Variants in BBS12 observed in about 807,000 individuals in gnomAD.
BBS12 encodes Bardet-Biedl syndrome 12.
Under a neutral mutation model 5.6 loss-of-function variants are expected in BBS12, and 5 were observed. The ratio of observed to expected loss-of-function variants is 0.89; its 90% CI spans 0.46 to 1.86. BBS12 has a LOEUF of 1.86. Among genes scored for constraint, BBS12 ranks in the 40% most tolerant of loss-of-function variants. The pLI is 0.01. For synonymous variants in BBS12, 308 were observed against 306.8 expected, an observed-to-expected ratio of 1.00 and a Z score of -0.04; for missense variants, 748 against 830.4, an observed-to-expected ratio of 0.90 and a Z score of 1.22.
At chr4:122,720,604 C>T in the BBS12 span, among the ~76,000 whole-genome samples, 3 of 151,862 alleles carry the variant, frequency 2.0e-5, no homozygotes, top group South Asian at 2.1e-4. Context: ...AAAGGCAAAA[C>T]GATGGAAAAT....
the BBS12 span, among the ~76,000 whole-genome samples, chr4:122,725,332 C>G: frequency 3.9e-5 from 6 of 152,140 alleles, no homozygotes; most frequent in African/African-American, 1.4e-4. Flanking sequence ...AAGAACAAAT[C>G]TGGAGGCATC....
At chr4:122,707,706 T>C in the BBS12 span, among the ~76,000 whole-genome samples, 9 of 152,258 alleles carry the variant, frequency 5.9e-5, no homozygotes, top group African/African-American at 1.9e-4. Context: ...TGGCTCTTCT[T>C]AGAGGTAGGT....
At chr4:122,718,981 G>A in the BBS12 span, among the ~76,000 whole-genome samples, 15 of 152,056 alleles carry the variant, frequency 9.9e-5, no homozygotes, top group South Asian at 4.1e-4. Context: ...CACCATGCCC[G>A]GCTAATTTTT....
intron 1 of BBS12, among the ~76,000 whole-genome samples, chr4:122,734,261 A>C (rs1175582129): frequency 6.6e-6 from 1 of 151,858 alleles, no homozygotes; most frequent in Non-Finnish European, 1.5e-5. Flanking sequence ...ATCAGTTTCA[A>C]GGTCATACAC....
In BBS12 at chr4:122,744,580, A is replaced by C. The variant is rs1008500202; in HGVS notation, c.*555A>C. On this transcript the variant is annotated 3_prime_UTR_variant, in exon 2 of 2. Coordinates refer to ENST00000314218, the MANE Select transcript of BBS12 (RefSeq NM_152618.3). ...AAGTATGCAGGGACACTCAGAGCCC[A>C]TAGTGGATAGTCTCTTCCAACAGTC... 6.0e-6 allele frequency: 1 copy of C among 168,028 alleles called. No individual in the cohort carries two copies. Among genetic ancestry groups the C allele is most frequent in the Non-Finnish European group, 1.5e-5 (1 of 68,882 alleles). 10.4% of individuals were successfully genotyped at this position (168,028 alleles called of 1,614,324 possible).
the BBS12 span, among the ~76,000 whole-genome samples, chr4:122,723,787 G>T: frequency 6.6e-6 from 1 of 152,162 alleles, no homozygotes; most frequent in Admixed American, 6.6e-5. Context: ...GGCAGGAACT[G>T]CAAAATGGGA....
At chr4:122,711,151 C>A in the BBS12 span, among the ~76,000 whole-genome samples, 110 of 152,118 alleles carry the variant, frequency 7.2e-4, no homozygotes, top group Admixed American at 1.5e-3. Context: ...CATACAAGCA[C>A]CTCAGGGGCA....
intron 1 of BBS12, among the ~76,000 whole-genome samples, chr4:122,737,962 T>A (rs1050157735): frequency 2.0e-5 from 3 of 152,238 alleles, no homozygotes; most frequent in Non-Finnish European, 2.9e-5. Flanking sequence ...GACAATTGGA[T>A]ATCCACATGC....
At chr4:122,711,415 CA>C in the BBS12 span, among the ~76,000 whole-genome samples, 1 of 151,630 alleles carries the variant, frequency 6.6e-6, no homozygotes, top group Admixed American at 6.6e-5. Flanking sequence ...AGGCTTTCCA[CA>C]ACTGGAATCA....
upstream of BBS12, among the ~76,000 whole-genome samples, chr4:122,727,744 G>A (rs1800643094): frequency 6.6e-6 from 1 of 151,696 alleles, no homozygotes; most frequent in Non-Finnish European, 1.5e-5. Context: ...AGTAGAGACG[G>A]GGTTTCACCA....
chr4:122,705,014 A>G, the BBS12 span, among the ~76,000 whole-genome samples: 2 of 152,250 alleles, frequency 1.3e-5, no homozygotes, highest in East Asian at 3.8e-4. Context: ...ACAAAGTACC[A>G]TGATGAGCTT....
At chr4:122,740,932 A>T (rs1458306301) in intron 1 of BBS12, among the ~76,000 whole-genome samples, 1 of 152,206 alleles carries the variant, frequency 6.6e-6, no homozygotes, top group Non-Finnish European at 1.5e-5. Context: ...GATAAAGTAC[A>T]TAACTTGCTG....
chr4:122,717,637 C>A, the BBS12 span, among the ~76,000 whole-genome samples: 1 of 152,190 alleles, frequency 6.6e-6, no homozygotes, highest in African/African-American at 2.4e-5. Flanking sequence ...TCAGGCAATC[C>A]TCCCACCTCA....
rs763250899 is a variant in BBS12 at position 122,743,067 on chromosome 4, CAGA to C, written c.1180_1182del (p.Glu394del). ...AGCATGCGGCTTCAAGAAGACAGCTCAGAAGAACTGTGGGCAAATCACGTGTTA... is the reference window on the plus strand; with the variant it reads ...AGCATGCGGCTTCAAGAAGACAGCTCAGAACTGTGGGCAAATCACGTGTTA... On this transcript the variant is annotated inframe_deletion, in exon 2 of 2. Transcript: ENST00000314218. The C allele has an allele frequency of 1.2e-6, 2 of 1,614,230 alleles. No homozygotes were observed. The highest frequency in any genetic ancestry group is 1.1e-5 in the South Asian group (1 of 91,082).
chr4:122,706,054 C>T, the BBS12 span, among the ~76,000 whole-genome samples: 1 of 152,136 alleles, frequency 6.6e-6, no homozygotes, highest in South Asian at 2.1e-4. Flanking sequence ...TTTTATTGGG[C>T]CTCCTTTCCT....
At chr4:122,708,589 G>GTAAAATTTTTTTTAATGTCTTC in the BBS12 span, among the ~76,000 whole-genome samples, 1 of 151,716 alleles carries the variant, frequency 6.6e-6, no homozygotes, top group African/African-American at 2.4e-5. Flanking sequence ...ATAAATCATA[G>GTAAAATTTTTTTTAATGTCTTC]TAAAATTTTT....
chr4:122,710,478 C>T, the BBS12 span, among the ~76,000 whole-genome samples: 1 of 152,148 alleles, frequency 6.6e-6, no homozygotes, highest in Non-Finnish European at 1.5e-5. Context: ...CAGAGAGCCC[C>T]ATAAATGTAA....
rs1284653065 is a variant in BBS12, at chr4:122,742,406, G to A, written c.514G>A (p.Glu172Lys). ...CCCTTCAGATACTGATTTGATAGAG[G>A]AATTGCATGGTCTCAAAGATGTTGC... ...QVPSDTDLIE[E>K]LHGLKDVASQ... Residue 172 changes from glutamate (E) to lysine (K), a missense_variant, in exon 2 of 2, where the codon GAA (glutamate) becomes AAA (lysine). Coordinates refer to ENST00000314218, the MANE Select transcript of BBS12 (RefSeq NM_152618.3). 2 of 1,614,038 alleles carry A rather than the reference G, an allele frequency of 1.2e-6. No homozygotes were observed. Among genetic ancestry groups the A allele is most frequent in the Non-Finnish European group, 1.7e-6 (2 of 1,180,022 alleles).
chr4:122,710,362 C>T, the BBS12 span, among the ~76,000 whole-genome samples: 1 of 152,166 alleles, frequency 6.6e-6, no homozygotes, highest in African/African-American at 2.4e-5. Flanking sequence ...AACTGGAAAG[C>T]CATTCAACTT....
Sources: allele counts gnomAD v4.1 joint callset (sites outside exome capture counted in the v4.1 genomes callset), GRCh38; gene constraint gnomAD v4.1.1; transcripts MANE v1.5; gene names NCBI Gene and HGNC (gene_info 2026-07-23, HGNC 2026-07-21).